The following NCKAP5 variants were observed in gnomAD, a reference collection of about 807,000 sequenced individuals.
The protein encoded by NCKAP5 is nck-associated protein 5.
NCKAP5 carries 92 observed loss-of-function variants against 167.0 expected under a neutral mutation model. The observed-to-expected ratio is 0.55, with a 90% CI of 0.47 to 0.66. NCKAP5 has a LOEUF of 0.66. Among genes scored for constraint, NCKAP5 ranks in the 30% least tolerant of loss-of-function variants. The probability of loss-of-function intolerance (pLI) is 0.00; values close to 1 mark genes in which losing one functional copy is unlikely to be tolerated. For missense variants in NCKAP5, 2,378 were observed against 2,315.0 expected (o/e 1.03, Z -0.56); for synonymous variants, 891 against 877.4 (o/e 1.02, Z -0.27).
At chr2:132,846,410 T>C (rs938303505) in intron 11 of NCKAP5, among the ~76,000 whole-genome samples, 1 of 152,074 alleles carries the variant, frequency 6.6e-6, no homozygotes, top group Non-Finnish European at 1.5e-5. Flanking sequence ...GTTCAAACGA[T>C]TCTTGTGCCT....
chr2:133,166,194 A>T (rs575719767), intron 5 of NCKAP5, among the ~76,000 whole-genome samples: 1 of 152,196 alleles, frequency 6.6e-6, no homozygotes, highest in Non-Finnish European at 1.5e-5. Flanking sequence ...GGAGAGAAAC[A>T]TTCCACAGAG....
chr2:133,553,038 A>G (rs1156693182), intron 2 of NCKAP5, among the ~76,000 whole-genome samples: 2 of 152,206 alleles, frequency 1.3e-5, no homozygotes, highest in Non-Finnish European at 2.9e-5. Flanking sequence ...TTTTCTGTTT[A>G]TGTACTTATT....
chr2:133,470,756 TG>T (rs1679190475), intron 3 of NCKAP5, among the ~76,000 whole-genome samples: 1 of 152,220 alleles, frequency 6.6e-6, no homozygotes, highest in African/African-American at 2.4e-5. Context: ...AGTATTCAGG[TG>T]GGAGTGACCC....
intron 5 of NCKAP5, among the ~76,000 whole-genome samples, chr2:133,167,678 G>C (rs926052267): frequency 4.6e-5 from 7 of 152,160 alleles, no homozygotes; most frequent in Non-Finnish European, 8.8e-5. Flanking sequence ...ACACGGATTA[G>C]CTTCTAGTTC....
chr2:132,994,052 A>G, intron 7 of NCKAP5, 100 bp downstream of exon 7: 2 of 812,912 alleles, frequency 2.5e-6, no homozygotes, highest in Non-Finnish European at 3.8e-6. Flanking sequence ...GGTCTGGAAC[A>G]CACCTTTTAT....
intron 8 of NCKAP5, among the ~76,000 whole-genome samples, chr2:132,902,728 A>G (rs542717702): frequency 2.0e-5 from 3 of 152,366 alleles, no homozygotes; most frequent in South Asian, 2.1e-4. Flanking sequence ...AGCTGCTCTC[A>G]TGGCTGGTGG....
At chr2:132,948,998 A>AGAAAT (rs1385637661) in intron 8 of NCKAP5, among the ~76,000 whole-genome samples, 3 of 112,720 alleles carry the variant, frequency 2.7e-5, no homozygotes, top group African/African-American at 8.6e-5. Context: ...AAAGATCCAG[A>AGAAAT]GAAATGAAAA....
chr2:132,713,521 G>T (rs1292511012), intron 19 of NCKAP5, among the ~76,000 whole-genome samples: 1 of 152,134 alleles, frequency 6.6e-6, no homozygotes, highest in Non-Finnish European at 1.5e-5. Flanking sequence ...AGATTTCATG[G>T]GACACTGTGG....
intron 4 of NCKAP5, among the ~76,000 whole-genome samples, chr2:133,292,673 G>A (rs1407636792): frequency 6.6e-6 from 1 of 152,114 alleles, no homozygotes; most frequent in Non-Finnish European, 1.5e-5. Flanking sequence ...TGGTACTTTT[G>A]GAGTGTTTCT....
intron 8 of NCKAP5, among the ~76,000 whole-genome samples, chr2:132,953,649 A>G (rs988417334): frequency 2.0e-5 from 3 of 151,874 alleles, no homozygotes; most frequent in Non-Finnish European, 4.4e-5. Flanking sequence ...ACAGACAGGC[A>G]GACAGAGAGA....
In NCKAP5 at chr2:133,388,578, A is replaced by G. The variant is rs148783935; in HGVS notation, c.70-85468T>C. 6.1e-4 allele frequency among the ~76,000 whole-genome samples: 93 copies of G among 152,332 alleles called. 1 individual carries two copies. The Middle Eastern group carries it at 0.014, about 22-fold the overall frequency. ...CTCTTCAAAGCTGTCAGACAGGGAC[A>G]TTTAAGTCTGCAGGATTTGTGCTGC... On this transcript the variant is annotated intron_variant, in intron 3 of 19. Coordinates refer to ENST00000409261, the MANE Select transcript of NCKAP5 (RefSeq NM_207363.3).
At chr2:133,163,589 C>A (rs981767485) in intron 5 of NCKAP5, among the ~76,000 whole-genome samples, 66 of 152,112 alleles carry the variant, frequency 4.3e-4, no homozygotes, top group African/African-American at 1.6e-3. Context: ...TATTGGAACT[C>A]AAAAATGCGT....
chr2:132,687,939 G>A (rs1198584714), intron 19 of NCKAP5, among the ~76,000 whole-genome samples: 1 of 152,182 alleles, frequency 6.6e-6, no homozygotes, highest in Non-Finnish European at 1.5e-5. Flanking sequence ...ACTACTTTAT[G>A]TGGTCTGAAT....
At chr2:133,397,699 T>G (rs570140307) in intron 3 of NCKAP5, among the ~76,000 whole-genome samples, 11 of 152,292 alleles carry the variant, frequency 7.2e-5, no homozygotes, top group African/African-American at 2.4e-4. Flanking sequence ...ATTTTCATAT[T>G]TATCATAATT....
intron 6 of NCKAP5, among the ~76,000 whole-genome samples, chr2:133,102,145 T>C (rs1003556817): frequency 3.3e-5 from 5 of 151,980 alleles, no homozygotes; most frequent in Non-Finnish European, 5.9e-5. Flanking sequence ...TTGTTTTTTT[T>C]GTTTGTTTGC....
At chr2:133,483,427 G>C (rs1680630543) in intron 3 of NCKAP5, among the ~76,000 whole-genome samples, 1 of 152,114 alleles carries the variant, frequency 6.6e-6, no homozygotes, top group Admixed American at 6.6e-5. Context: ...TCTAAGTCTA[G>C]CTGACCAAAA....
intron 3 of NCKAP5, among the ~76,000 whole-genome samples, chr2:133,457,345 G>A (rs1346239394): frequency 6.6e-6 from 1 of 152,044 alleles, no homozygotes; most frequent in Non-Finnish European, 1.5e-5. Flanking sequence ...ACCTCAAAGA[G>A]TCACCCCTTC....
intron 8 of NCKAP5, among the ~76,000 whole-genome samples, chr2:132,883,960 GA>G (rs1159078723): frequency 6.6e-6 from 1 of 152,170 alleles, no homozygotes; most frequent in Non-Finnish European, 1.5e-5. Context: ...GCACAAAAAT[GA>G]GGAAAACTCC....
the NCKAP5 span, among the ~76,000 whole-genome samples, chr2:133,637,475 C>CAA: frequency 4.6e-5 from 1 of 21,860 alleles, no homozygotes; most frequent in Non-Finnish European, 7.6e-5. Flanking sequence ...TTGGTATTTT[C>CAA]CAAAAAAAAA....
Sources: allele counts gnomAD v4.1 joint callset (sites outside exome capture counted in the v4.1 genomes callset), GRCh38; gene constraint gnomAD v4.1.1; transcripts MANE v1.5; gene names NCBI Gene and HGNC (gene_info 2026-07-23, HGNC 2026-07-21).